The following PAPPA2 variants were observed in gnomAD, a reference collection of about 807,000 sequenced individuals.
PAPPA2 encodes pappalysin 2, also known as pappalysin-2.
Under a neutral mutation model 176.4 loss-of-function variants are expected in PAPPA2, and 86 were observed. That is an observed-to-expected ratio of 0.49 (90% CI 0.41 to 0.58). The LOEUF (loss-of-function observed/expected upper bound fraction) is 0.58, where lower values mean the gene tolerates loss of function less well. Ranked by LOEUF, PAPPA2 falls within the 20% of genes least tolerant of loss-of-function variation. The pLI, the probability that PAPPA2 is intolerant of heterozygous loss-of-function variation, is 0.00. For missense variants in PAPPA2, 2,073 were observed against 2,256.9 expected, an observed-to-expected ratio of 0.92 and a Z score of 1.65; for synonymous variants, 809 against 852.2, an observed-to-expected ratio of 0.95 and a Z score of 0.88.
chr1:176,786,968 C>G (rs1455848542), intron 17 of PAPPA2, among the ~76,000 whole-genome samples: 2 of 152,246 alleles, frequency 1.3e-5, no homozygotes, highest in Middle Eastern at 3.4e-3. Context: ...AAACTACCTA[C>G]AGGATACTAT....
intron 14 of PAPPA2, among the ~76,000 whole-genome samples, chr1:176,757,469 A>C (rs1663482210): frequency 6.6e-6 from 1 of 152,078 alleles, no homozygotes. Context: ...GATGATGAGC[A>C]TTTTTTCATA....
chr1:176,638,939 C>CATGT (rs1553379103), intron 3 of PAPPA2, among the ~76,000 whole-genome samples: 5 of 143,030 alleles, frequency 3.5e-5, no homozygotes, highest in Non-Finnish European at 6.2e-5. Context: ...TGTGCATGTG[C>CATGT]GTGTGTGTGT....
intron 12 of PAPPA2, among the ~76,000 whole-genome samples, chr1:176,722,419 CTT>C (rs34221424): frequency 0.19 from 23,476 of 124,556 alleles, 1,324 homozygotes; most frequent in Middle Eastern, 0.23. Flanking sequence ...TATACATTTC[CTT>C]TTTTTTTTTT....
intron 3 of PAPPA2, among the ~76,000 whole-genome samples, chr1:176,653,189 C>T (rs762926970): frequency 6.6e-6 from 1 of 151,704 alleles, no homozygotes; most frequent in Non-Finnish European, 1.5e-5. Flanking sequence ...TTCCTTGTTC[C>T]TCCACAATGT....
rs1667548076 is a variant in PAPPA2, at chr1:176,843,238, T to C, written c.*784T>C. 1 of 151,642 alleles carries C rather than the reference T, an allele frequency of 6.6e-6. No homozygotes were observed. The highest frequency in any genetic ancestry group is 1.9e-4 in the East Asian group (1 of 5,168). The allele number at this position is 151,642 out of a possible 1,614,324, so 9.4% of individuals were successfully genotyped here. On this transcript the variant is annotated 3_prime_UTR_variant, in exon 23 of 23. Transcript: ENST00000367662. The stretch of plus-strand genomic sequence containing the variant: ...TGCTAGCATGTAAAGCTAATCATCT[T>C]TTTTTTTATGACCTGGGAGCTGGGC...
At chr1:176,660,344 G>T (rs1319122684) in intron 3 of PAPPA2, among the ~76,000 whole-genome samples, 1 of 150,840 alleles carries the variant, frequency 6.6e-6, no homozygotes, top group Non-Finnish European at 1.5e-5. Context: ...GTTTGTGTGT[G>T]TGTGTGTGTG....
chr1:176,470,017 C>G lies in PAPPA2; in HGVS notation c.-917+6599C>G, dbSNP rs1392938571. On this transcript the variant is annotated intron_variant, in intron 1 of 22. Coordinates refer to ENST00000367662, the MANE Select transcript of PAPPA2 (RefSeq NM_020318.3). ...GATTTTTATGGGGTCGAGGAAGGGA[C>G]TTTGCCTTCCAAAATACTGTCCAGA... is the stretch of plus-strand genomic sequence containing the variant. 2.6e-5 allele frequency among the ~76,000 whole-genome samples: 4 copies of G among 152,178 alleles called. No homozygotes were observed. In the East Asian group the frequency reaches 7.7e-4, roughly 29 times the overall value.
chr1:176,645,101 A>AATTATTCT (rs1310519628), intron 3 of PAPPA2, among the ~76,000 whole-genome samples: 1 of 151,768 alleles, frequency 6.6e-6, no homozygotes, highest in Non-Finnish European at 1.5e-5. Context: ...GAAACATTTG[A>AATTATTCT]ATTATTCTTT....
At chr1:176,725,358 A>G (rs898244410) in intron 12 of PAPPA2, among the ~76,000 whole-genome samples, 9 of 152,198 alleles carry the variant, frequency 5.9e-5, no homozygotes, top group Non-Finnish European at 1.2e-4. Context: ...AATATTAAAG[A>G]TATTTACTAG....
At chr1:176,498,753 A>G (rs904782768) in intron 1 of PAPPA2, among the ~76,000 whole-genome samples, 93 of 126,784 alleles carry the variant, frequency 7.3e-4, no homozygotes, top group Non-Finnish European at 1.2e-3. Context: ...CTTACCTCCA[A>G]AAAAAAAAAA....
At chr1:176,671,158 A>T (rs1263057626) in intron 4 of PAPPA2, 43 bp downstream of exon 4, 1 of 1,603,028 alleles carries the variant, frequency 6.2e-7, no homozygotes, top group Middle Eastern at 1.7e-4. Flanking sequence ...AAAAACAAAG[A>T]AGGCTGAAGG....
At chr1:176,669,520 A>AG (rs1658863011) in intron 3 of PAPPA2, among the ~76,000 whole-genome samples, 1 of 152,206 alleles carries the variant, frequency 6.6e-6, no homozygotes, top group South Asian at 2.1e-4. Flanking sequence ...TTGTGTCTTC[A>AG]GGAAAGCAGC....
At position 176,769,690 on chromosome 1, in the gene PAPPA2, G is replaced by A. The variant is rs368372198; in HGVS notation, c.4407G>A (p.Pro1469=). 93 of 1,613,994 alleles carry A rather than the reference G, an allele frequency of 5.8e-5. No individual in the cohort carries two copies. The highest frequency in any genetic ancestry group is 2.8e-4 in the African/African-American group (21 of 75,012). Residue 1469 remains proline (P), a synonymous_variant, in exon 16 of 23, where the codon CCG becomes CCA. Coordinates refer to ENST00000367662, the MANE Select transcript of PAPPA2 (RefSeq NM_020318.3). The part of the protein sequence containing the change: ...CLPVDCGVPD[P]SLVNYANFSC... Reference sequence around the variant, plus strand: ...CCGTGGACTGCGGTGTTCCCGACCCGTCTTTGGTGAACTATGCAAACTTCT... The same window carrying A: ...CCGTGGACTGCGGTGTTCCCGACCCATCTTTGGTGAACTATGCAAACTTCT...
intron 1 of PAPPA2, among the ~76,000 whole-genome samples, chr1:176,500,486 T>C (rs1366845275): frequency 6.7e-6 from 1 of 148,160 alleles, no homozygotes; most frequent in Non-Finnish European, 1.5e-5. Context: ...TTTATATATA[T>C]ACATTTATAT....
chr1:176,760,637 G>A (rs1014934577), intron 14 of PAPPA2, among the ~76,000 whole-genome samples: 1 of 152,150 alleles, frequency 6.6e-6, no homozygotes, highest in Admixed American at 6.5e-5. Flanking sequence ...GGCTTCCCAA[G>A]TACAGTTATC....
At chr1:176,469,518 T>A (rs369209080) in intron 1 of PAPPA2, among the ~76,000 whole-genome samples, 5 of 152,194 alleles carry the variant, frequency 3.3e-5, no homozygotes, top group African/African-American at 1.2e-4. Flanking sequence ...GCTTGGGTGA[T>A]GCCTTGGGAA....
At position 176,702,648 on chromosome 1, in the gene PAPPA2, C is replaced by G. The variant is rs1217054606; in HGVS notation, c.3278C>G (p.Ala1093Gly). 1.9e-6 allele frequency: 3 copies of G among 1,613,974 alleles called. No homozygotes were observed. In the African/African-American group the frequency reaches 4.0e-5, roughly 22 times the overall value. Reference sequence around the variant, plus strand: ...CAGATGTATCAGTACCAAGTTCTAGCTGAAGCTGGAGGAGAACTGGGAGAA... The same window carrying G: ...CAGATGTATCAGTACCAAGTTCTAGGTGAAGCTGGAGGAGAACTGGGAGAA... The part of the protein sequence containing the change: ...PGQMYQYQVL[A>G]EAGGELGEAS... Residue 1093 changes from alanine to glycine, a missense_variant, in exon 9 of 23, where the codon GCT (alanine) becomes GGT (glycine). Physicochemically the swap from Ala to Gly is moderately conservative, Grantham distance 60. This residue lies in a region of PAPPA2 where 846 missense variants were observed against 857.9 expected (regional missense o/e 0.99). Coordinates refer to ENST00000367662, the MANE Select transcript of PAPPA2 (RefSeq NM_020318.3).
At chr1:176,687,304 A>G in intron 4 of PAPPA2, among the ~76,000 whole-genome samples, 1 of 152,166 alleles carries the variant, frequency 6.6e-6, no homozygotes, top group East Asian at 1.9e-4. Context: ...ACACTGGAGA[A>G]CCCTGGCCAA....
Position 176,617,485 on chromosome 1 carries a change from A to G in PAPPA2, c.1991+21890A>G, listed in dbSNP as rs570370826. Among the ~76,000 whole-genome samples, 82 of 152,230 alleles carry G rather than the reference A, an allele frequency of 5.4e-4. 1 individual carries two copies. In the South Asian group the frequency reaches 0.017, roughly 31 times the overall value. On this transcript the variant is annotated intron_variant, in intron 3 of 22. Coordinates refer to ENST00000367662, the MANE Select transcript of PAPPA2 (RefSeq NM_020318.3). The stretch of plus-strand genomic sequence containing the variant: ...CTCACCCCCTGAGTCCCCAAGGTCC[A>G]TTATATCATTCTTATGCCTTTGTGT...
Sources: gnomAD v4.1 joint callset for allele counts (sites outside exome capture counted in the v4.1 genomes callset) on GRCh38, gnomAD v4.1.1 for gene constraint, gnomAD v4.1.1 regional missense constraint, MANE v1.5 for transcripts, NCBI Gene and HGNC (gene_info 2026-07-23, HGNC 2026-07-21) for gene names.